The following DNAH6 variants were observed in gnomAD, a reference collection of about 807,000 sequenced individuals.
DNAH6 encodes the protein axonemal beta dynein heavy chain 6.
In DNAH6, 340 loss-of-function variants were observed where a neutral mutation model predicts 491.4. The ratio of observed to expected loss-of-function variants is 0.69; its 90% CI spans 0.63 to 0.76. The LOEUF (loss-of-function observed/expected upper bound fraction) is 0.76, where lower values mean the gene tolerates loss of function less well. Ranked by LOEUF, DNAH6 falls within the 30% of genes least tolerant of loss-of-function variation. DNAH6 has a pLI of 0.00. For missense variants in DNAH6, 4,443 were observed against 4,972.2 expected (o/e 0.89, Z 3.20); for synonymous variants, 1,603 against 1,686.1 (o/e 0.95, Z 1.21).
At chr2:84,487,544 C>A in the DNAH6 span, among the ~76,000 whole-genome samples, 11 of 152,312 alleles carry the variant, frequency 7.2e-5, no homozygotes, top group South Asian at 2.3e-3. Context: ...GCCAACAATG[C>A]TTGTTATTTC....
chr2:84,583,094 G>A (rs1683196196), intron 14 of DNAH6, among the ~76,000 whole-genome samples: 2 of 152,220 alleles, frequency 1.3e-5, no homozygotes, highest in South Asian at 2.1e-4. Flanking sequence ...AGAAAATTAG[G>A]AAAGACAAGC....
At chr2:84,462,923 T>G in the DNAH6 span, among the ~76,000 whole-genome samples, 1 of 151,740 alleles carries the variant, frequency 6.6e-6, no homozygotes, top group African/African-American at 2.4e-5. Context: ...AAGTTGAACC[T>G]CCCCCTGAGA....
chr2:84,747,565 T>A (rs2105057082), intron 63 of DNAH6, among the ~76,000 whole-genome samples: 2 of 152,318 alleles, frequency 1.3e-5, no homozygotes, highest in South Asian at 4.1e-4. Flanking sequence ...ACTGCCCTGC[T>A]GGGTTGTAGT....
chr2:84,668,297 A>G (rs1354448001), intron 37 of DNAH6, among the ~76,000 whole-genome samples: 2 of 152,218 alleles, frequency 1.3e-5, no homozygotes, highest in Non-Finnish European at 2.9e-5. Flanking sequence ...AGTGAATTGC[A>G]CATAGTAGAG....
intron 59 of DNAH6, among the ~76,000 whole-genome samples, chr2:84,722,088 C>A (rs7596088): frequency 1.9e-3 from 283 of 152,334 alleles, no homozygotes; most frequent in African/African-American, 6.4e-3. Context: ...TAATCCTCCA[C>A]AAACAACAGC....
chr2:84,810,884 T>C (rs972659430), intron 72 of DNAH6, among the ~76,000 whole-genome samples: 2 of 152,240 alleles, frequency 1.3e-5, no homozygotes, highest in African/African-American at 4.8e-5. Context: ...GAGAATCGAC[T>C]GCAACATGAC....
chr2:84,719,660 G>C (rs893611399), intron 59 of DNAH6, among the ~76,000 whole-genome samples: 2 of 151,478 alleles, frequency 1.3e-5, no homozygotes, highest in Non-Finnish European at 2.9e-5. Context: ...ACAAATGCAC[G>C]CCACTACGCC....
chr2:84,541,276 T>A (rs1212858009), intron 4 of DNAH6, among the ~76,000 whole-genome samples: 1 of 152,150 alleles, frequency 6.6e-6, no homozygotes, highest in Admixed American at 6.5e-5. Context: ...AGTAATGAAC[T>A]GGAAAGTCTA....
chr2:84,718,432 G>C (rs1176367933), intron 59 of DNAH6, 48 bp downstream of exon 59: 2 of 1,424,806 alleles, frequency 1.4e-6, no homozygotes, highest in Admixed American at 2.7e-5. Context: ...TACTTCAAAA[G>C]TTATAACTAC....
intron 70 of DNAH6, among the ~76,000 whole-genome samples, chr2:84,799,455 C>T (rs577831922): frequency 1.3e-5 from 2 of 152,342 alleles, no homozygotes; most frequent in East Asian, 3.9e-4. Flanking sequence ...GGGAGACCCA[C>T]CAGGTCAGGG....
chr2:84,564,373 T>G (rs988022459), intron 11 of DNAH6, among the ~76,000 whole-genome samples: 1 of 152,156 alleles, frequency 6.6e-6, no homozygotes, highest in African/African-American at 2.4e-5. Context: ...CAGTGTTTTG[T>G]AGTTCTCCAT....
chr2:84,549,831 C>A, intron 8 of DNAH6, 58 bp from the exon 9 acceptor site: 1 of 1,295,714 alleles, frequency 7.7e-7, no homozygotes, highest in South Asian at 1.5e-5. Context: ...GAGACACTGT[C>A]AAAAATATGT....
At chr2:84,771,729 A>G (rs1311046605) in intron 64 of DNAH6, among the ~76,000 whole-genome samples, 2 of 152,160 alleles carry the variant, frequency 1.3e-5, no homozygotes, top group Non-Finnish European at 2.9e-5. Context: ...ATCTGGCAAA[A>G]TGATCCTTCA....
At chr2:84,647,578 C>CT (rs1690021501) in intron 33 of DNAH6, among the ~76,000 whole-genome samples, 1 of 152,182 alleles carries the variant, frequency 6.6e-6, no homozygotes, top group Admixed American at 6.5e-5. Context: ...TACACTAAAT[C>CT]TACTCTACCT....
intron 2 of DNAH6, among the ~76,000 whole-genome samples, chr2:84,524,250 G>C (rs1243510767): frequency 1.4e-5 from 2 of 147,892 alleles, no homozygotes; most frequent in African/African-American, 5.0e-5. Flanking sequence ...AGTCTGTTTT[G>C]TCTGAAATTA....
intron 41 of DNAH6, among the ~76,000 whole-genome samples, chr2:84,680,880 C>T (rs1483183068): frequency 4.6e-5 from 7 of 152,048 alleles, no homozygotes; most frequent in African/African-American, 1.2e-4. Context: ...CTGATCTAAG[C>T]TTAGGAGGGA....
intron 4 of DNAH6, among the ~76,000 whole-genome samples, chr2:84,535,411 G>A (rs961771126): frequency 1.3e-5 from 2 of 151,862 alleles, no homozygotes; most frequent in Admixed American, 6.6e-5. Context: ...GTATAAAAAT[G>A]TTATCAAATT....
chr2:84,660,212 T>G (rs1278788940), intron 37 of DNAH6, among the ~76,000 whole-genome samples: 2 of 152,190 alleles, frequency 1.3e-5, no homozygotes, highest in Non-Finnish European at 2.9e-5. Flanking sequence ...ACAACTATTT[T>G]ATGTTGCATA....
At chr2:84,766,312 A>G (rs1021446572) in intron 64 of DNAH6, among the ~76,000 whole-genome samples, 7 of 152,346 alleles carry the variant, frequency 4.6e-5, no homozygotes, top group African/African-American at 1.7e-4. Flanking sequence ...AAAGACACAT[A>G]TTTCTAAAAG....
Sources: allele counts gnomAD v4.1 joint callset (sites outside exome capture counted in the v4.1 genomes callset), GRCh38; gene constraint gnomAD v4.1.1; transcripts MANE v1.5; gene names NCBI Gene and HGNC (gene_info 2026-07-23, HGNC 2026-07-21).